PREX2: variants seen among roughly 807,000 people sequenced by gnomAD.
The protein encoded by PREX2 is phosphatidylinositol 3,4,5-trisphosphate-dependent Rac exchanger 2 protein.
PREX2 carries 107 observed loss-of-function variants against 203.2 expected under a neutral mutation model. The observed-to-expected ratio is 0.53, with a 90% CI of 0.45 to 0.62. The LOEUF (loss-of-function observed/expected upper bound fraction) is 0.62. PREX2 is among the 20% of genes least tolerant of loss of function. The probability of loss-of-function intolerance (pLI) is 0.00; values close to 1 mark genes in which losing one functional copy is unlikely to be tolerated. For synonymous variants in PREX2, 672 were observed against 663.6 expected (o/e 1.01, Z -0.19); for missense variants, 1,777 against 1,955.9 (o/e 0.91, Z 1.72).
At chr8:68,147,210 A>G (rs568833268) in intron 34 of PREX2, among the ~76,000 whole-genome samples, 75 of 152,302 alleles carry the variant, frequency 4.9e-4, no homozygotes, top group Non-Finnish European at 5.3e-4. Flanking sequence ...CAATGCTCTA[A>G]TAAAAAATGA....
chr8:68,126,318 A>C (rs1810885179), intron 30 of PREX2, among the ~76,000 whole-genome samples: 1 of 152,146 alleles, frequency 6.6e-6, no homozygotes, highest in South Asian at 2.1e-4. Context: ...TTTTAAACAA[A>C]TTTCAAAGAC....
At chr8:68,047,265 A>G (rs931897979) in intron 8 of PREX2, among the ~76,000 whole-genome samples, 8 of 151,744 alleles carry the variant, frequency 5.3e-5, no homozygotes, top group Non-Finnish European at 1.0e-4. Flanking sequence ...TAAGTCTGCT[A>G]TATTTTTTAC....
At chr8:67,995,304 A>G (rs1806734391) in intron 1 of PREX2, among the ~76,000 whole-genome samples, 1 of 152,198 alleles carries the variant, frequency 6.6e-6, no homozygotes. Context: ...TATCACAAAC[A>G]ACATATGATA....
In PREX2 at chr8:67,952,400, C is replaced by T; in HGVS notation, c.6C>T (p.Ser2=). 6.4e-7 allele frequency: 1 copy of T among 1,552,124 alleles called. No homozygotes were observed. Among genetic ancestry groups the T allele is most frequent in the Non-Finnish European group, 8.7e-7 (1 of 1,150,052 alleles). M[S]EDSRGDSRAE... is the part of the protein sequence containing the mutation. The stretch of plus-strand genomic sequence containing the variant: ...GCTGCGCACCGCCGCCGACCATGAG[C>T]GAGGACAGCCGCGGAGACAGCCGCG... The change falls in exon 1 of 40, where the codon AGC becomes AGT. Residue 2 remains serine, a synonymous_variant. Transcript: ENST00000288368.
intron 6 of PREX2, among the ~76,000 whole-genome samples, chr8:68,035,327 T>C (rs1488380711): frequency 1.3e-5 from 2 of 152,162 alleles, no homozygotes; most frequent in African/African-American, 2.4e-5. Flanking sequence ...TAGTTGTCAG[T>C]CTTGTCAATT....
At chr8:68,155,167 TCTG>T (rs1355107304) in intron 34 of PREX2, among the ~76,000 whole-genome samples, 1 of 152,102 alleles carries the variant, frequency 6.6e-6, no homozygotes, top group Non-Finnish European at 1.5e-5. Flanking sequence ...TCATCCAATA[TCTG>T]CTGACTTGCA....
At chr8:68,093,133 G>A (rs1018676559) in intron 20 of PREX2, among the ~76,000 whole-genome samples, 3 of 152,106 alleles carry the variant, frequency 2.0e-5, no homozygotes, top group Non-Finnish European at 4.4e-5. Flanking sequence ...GCTCCTGCCT[G>A]TAATCCCAGC....
intron 19 of PREX2, 90 bp downstream of exon 19, chr8:68,087,899 A>G (rs960930256): frequency 3.6e-6 from 3 of 839,050 alleles, no homozygotes; most frequent in Non-Finnish European, 4.2e-6. Flanking sequence ...AGGCAGAACC[A>G]TGCTGTGATG....
At position 67,979,341 on chromosome 8, in the gene PREX2, C is replaced by T. The variant is rs374218431; in HGVS notation, c.141+26806C>T. Among the ~76,000 whole-genome samples, 4 of 152,268 alleles carry T rather than the reference C, an allele frequency of 2.6e-5. No individual in the cohort carries two copies. The South Asian group carries it at 8.3e-4, about 32-fold the overall frequency. On this transcript the variant is annotated intron_variant, in intron 1 of 39. Transcript: ENST00000288368. ...TTAATGAGTACTAAAATTACATTTTCTTCACATCTAATCAACTTGAGGAAT... is the reference window on the plus strand; with the variant it reads ...TTAATGAGTACTAAAATTACATTTTTTTCACATCTAATCAACTTGAGGAAT...
intron 4 of PREX2, among the ~76,000 whole-genome samples, chr8:68,022,866 A>G (rs1419188515): frequency 6.6e-6 from 1 of 152,208 alleles, no homozygotes; most frequent in Non-Finnish European, 1.5e-5. Flanking sequence ...GATATTTTAT[A>G]GAAGTGGACT....
chr8:68,176,315 G>A (rs1036014948), intron 35 of PREX2, among the ~76,000 whole-genome samples: 2 of 152,124 alleles, frequency 1.3e-5, no homozygotes, highest in Non-Finnish European at 2.9e-5. Context: ...ATAGAAATAT[G>A]CTTAATAGAC....
Position 68,118,573 on chromosome 8 carries a change from C to A in PREX2, c.3350C>A (p.Ser1117Tyr), listed in dbSNP as rs762846635. Residue 1117 changes from serine (S) to tyrosine (Y), a missense_variant, in exon 27 of 40, where the codon TCC becomes TAC. Transcript: ENST00000288368. ...AGTGACTGCAACAGCAATAGGAATT[C>A]CATCGCCTCCTTCACCAGCATCTGC... ...SYSDCNSNRNSIASFTSICSS... is the reference protein window; with the variant it reads ...SYSDCNSNRNYIASFTSICSS... 1 of 1,613,946 alleles carries A rather than the reference C, an allele frequency of 6.2e-7. No homozygotes were observed. Among genetic ancestry groups the A allele is most frequent in the Non-Finnish European group, 8.5e-7 (1 of 1,179,840 alleles).
chr8:68,221,964 G>A (rs768511931), intron 38 of PREX2, among the ~76,000 whole-genome samples: 1 of 152,120 alleles, frequency 6.6e-6, no homozygotes, highest in Non-Finnish European at 1.5e-5. Flanking sequence ...ACGAGAGGCT[G>A]ATTTCTCACT....
rs778463358 is a variant in PREX2, at chr8:68,148,196, G to A, written c.4231+1844G>A. ...TGGGAGGCAGAAGTTGCAGTGAGCC[G>A]AGATCATGCCACTGCACTCCAGCCT... On this transcript the variant is annotated intron_variant, in intron 34 of 39. Transcript: ENST00000288368. Among the ~76,000 whole-genome samples, 9 of 152,198 alleles carry A rather than the reference G, an allele frequency of 5.9e-5. 1 individual carries two copies. Among genetic ancestry groups the A allele is most frequent in the East Asian group, 3.9e-4 (2 of 5,176 alleles).
At chr8:68,210,740 TA>T (rs1812727531) in intron 37 of PREX2, among the ~76,000 whole-genome samples, 1 of 152,182 alleles carries the variant, frequency 6.6e-6, no homozygotes, top group Non-Finnish European at 1.5e-5. Flanking sequence ...GAAGTGATTT[TA>T]GAATAAAATG....
intron 31 of PREX2, among the ~76,000 whole-genome samples, chr8:68,132,025 G>GT (rs1331834432): frequency 2.6e-5 from 4 of 152,090 alleles, no homozygotes; most frequent in African/African-American, 9.7e-5. Flanking sequence ...TACTTATTTA[G>GT]TTTCTGTCGT....
intron 8 of PREX2, among the ~76,000 whole-genome samples, chr8:68,047,488 T>G (rs941973292): frequency 0.019 from 2,059 of 110,350 alleles, 82 homozygotes; most frequent in African/African-American, 0.1. Context: ...TATATATATA[T>G]ATATATATAT....
intron 30 of PREX2, among the ~76,000 whole-genome samples, chr8:68,121,600 A>G (rs1301384745): frequency 6.6e-6 from 1 of 152,154 alleles, no homozygotes; most frequent in Non-Finnish European, 1.5e-5. Context: ...CTTCATTGAG[A>G]TAGATTGCAT....
intron 30 of PREX2, among the ~76,000 whole-genome samples, chr8:68,126,839 GA>G (rs1563557327): frequency 1.3e-5 from 2 of 151,838 alleles, no homozygotes; most frequent in Admixed American, 6.6e-5. Flanking sequence ...GTTGGAAGAA[GA>G]GTATATATAT....
Sources: allele counts gnomAD v4.1 joint callset (sites outside exome capture counted in the v4.1 genomes callset), GRCh38; gene constraint gnomAD v4.1.1; transcripts MANE v1.5; gene names NCBI Gene and HGNC (gene_info 2026-07-23, HGNC 2026-07-21).